Variants in NUMB observed in about 807,000 individuals in gnomAD.
NUMB encodes NUMB endocytic adaptor protein, also known as protein numb homolog.
Under a neutral mutation model 59.7 loss-of-function variants are expected in NUMB, and 29 were observed. That is an observed-to-expected ratio of 0.49 (90% CI 0.36 to 0.66). The LOEUF (loss-of-function observed/expected upper bound fraction) is 0.66, where lower values mean the gene tolerates loss of function less well. Among genes scored for constraint, NUMB ranks in the 30% least tolerant of loss-of-function variants. The pLI, the probability that NUMB is intolerant of heterozygous loss-of-function variation, is 0.00. For missense variants in NUMB, 723 were observed against 822.0 expected, an observed-to-expected ratio of 0.88 and a Z score of 1.47; for synonymous variants, 288 against 288.2, an observed-to-expected ratio of 1.00 and a Z score of 0.01.
chr14:73,378,459 C>T lies in NUMB; in HGVS notation c.-100-11478G>A, dbSNP rs1895077628. Among the ~76,000 whole-genome samples the T allele has an allele frequency of 2.0e-5, 3 of 152,320 alleles. No individual in the cohort carries two copies. The South Asian group carries it at 6.2e-4, about 32-fold the overall frequency. On this transcript the variant is annotated intron_variant, in intron 2 of 12. Transcript: ENST00000555238. Reference sequence around the variant, plus strand: ...ACAAAAGCCTGCACACAGTTGTTCACAACAGCTTTATTCATAATTGCCAAA... The same window carrying T: ...ACAAAAGCCTGCACACAGTTGTTCATAACAGCTTTATTCATAATTGCCAAA...
In NUMB at chr14:73,401,563, ATTTTTTTTT is replaced by A. The variant is rs1164847403; in HGVS notation, c.-101+8365_-101+8373del. ...CCACTAACAAAATATGTAAGACTAA[ATTTTTTTTT>A]TTTTTTTTTTTTTTTGAGACGGAGT... On this transcript the variant is annotated intron_variant, in intron 2 of 12. Coordinates refer to ENST00000555238, the MANE Select transcript of NUMB (RefSeq NM_001005743.2). Among the ~76,000 whole-genome samples the A allele has an allele frequency of 1.0e-4, 11 of 110,030 alleles. No homozygotes were observed. The South Asian group carries it at 1.9e-3, about 19-fold the overall frequency. 72.2% of individuals were successfully genotyped at this position (110,030 alleles called of 152,430 possible). A position where few individuals can be genotyped will look rare whatever the true frequency, so the allele number is the denominator to read the frequency against.
chr14:73,342,660 T>C (rs1892696597), intron 4 of NUMB, among the ~76,000 whole-genome samples: 1 of 152,204 alleles, frequency 6.6e-6, no homozygotes, highest in Non-Finnish European at 1.5e-5. Context: ...ACCTTCAGTA[T>C]TCAGTTGGCA....
At chr14:73,361,062 T>TG (rs1248435522) in intron 3 of NUMB, among the ~76,000 whole-genome samples, 1 of 152,052 alleles carries the variant, frequency 6.6e-6, no homozygotes, top group Non-Finnish European at 1.5e-5. Flanking sequence ...CTAATTGTTG[T>TG]GTTTTTTTGT....
chr14:73,302,424 TTG>T (rs1269735085), intron 6 of NUMB, among the ~76,000 whole-genome samples: 8,974 of 98,242 alleles, frequency 0.091, 675 homozygotes, highest in African/African-American at 0.24. Flanking sequence ...TTTTTTTTTT[TTG>T]AGACGAGTCT....
At chr14:73,389,359 G>A (rs1895732636) in intron 2 of NUMB, among the ~76,000 whole-genome samples, 1 of 150,200 alleles carries the variant, frequency 6.7e-6, no homozygotes, top group Non-Finnish European at 1.5e-5. Context: ...TTGAGACGGA[G>A]TCCTGCTCTG....
intron 2 of NUMB, among the ~76,000 whole-genome samples, chr14:73,369,560 A>T (rs1016576647): frequency 2.0e-5 from 3 of 152,234 alleles, no homozygotes; most frequent in Non-Finnish European, 4.4e-5. Flanking sequence ...TAAGACACAA[A>T]GGGATGTGAA....
At chr14:73,373,624 T>C (rs61985810) in intron 2 of NUMB, among the ~76,000 whole-genome samples, 1 of 151,914 alleles carries the variant, frequency 6.6e-6, no homozygotes, top group East Asian at 1.9e-4. Flanking sequence ...TAAAGGAGTT[T>C]AGAAATAGGG....
intron 2 of NUMB, among the ~76,000 whole-genome samples, chr14:73,373,705 C>CTTTTTT (rs558452695): frequency 7.8e-6 from 1 of 127,732 alleles, no homozygotes; most frequent in Admixed American, 8.1e-5. Context: ...GGAAAGCTTC[C>CTTTTTT]TTTTTTTTTT....
intron 2 of NUMB, among the ~76,000 whole-genome samples, chr14:73,392,171 T>C (rs1354531663): frequency 6.6e-6 from 1 of 152,158 alleles, no homozygotes; most frequent in African/African-American, 2.4e-5. Flanking sequence ...TCAGGAGAAG[T>C]AAGGCCAAGA....
intron 12 of NUMB, 21 bp downstream of exon 12, chr14:73,279,258 AAC>A: frequency 1.2e-6 from 2 of 1,614,116 alleles, no homozygotes; most frequent in Non-Finnish European, 1.7e-6. Flanking sequence ...CAGAATCCTC[AAC>A]ACCATCTGTG....
rs186008851 is a variant in NUMB at position 73,441,692 on chromosome 14, A to G, written c.-233+16801T>C. Among the ~76,000 whole-genome samples, 127 of 152,122 alleles carry G rather than the reference A, an allele frequency of 8.3e-4. 2 individuals carry two copies. The highest frequency in any genetic ancestry group is 7.9e-3 in the Admixed American group (120 of 15,268). On this transcript the variant is annotated intron_variant, in intron 1 of 12. Coordinates refer to ENST00000555238, the MANE Select transcript of NUMB (RefSeq NM_001005743.2). ...GGAGTTCCAGACCATCCTGGGCAAC[A>G]TAGCAAGACCCCATCTCTACCAAAA...
At chr14:73,430,515 T>C (rs1897778431) in intron 1 of NUMB, among the ~76,000 whole-genome samples, 2 of 152,102 alleles carry the variant, frequency 1.3e-5, no homozygotes, top group Admixed American at 1.3e-4. Flanking sequence ...ATGCCTGCAG[T>C]CCCAGCCACA....
chr14:73,296,567 A>T (rs1889785467), intron 7 of NUMB, among the ~76,000 whole-genome samples: 1 of 152,248 alleles, frequency 6.6e-6, no homozygotes, highest in Non-Finnish European at 1.5e-5. Flanking sequence ...ATGAGTAACT[A>T]AAGTGGTTTC....
At chr14:73,293,213 C>T (rs177370) in intron 7 of NUMB, among the ~76,000 whole-genome samples, 121,894 of 152,044 alleles carry the variant, frequency 0.8, 49,434 homozygotes, top group African/African-American at 0.93. Context: ...TGGGTTTATT[C>T]CCAAATATAA....
Position 73,287,165 on chromosome 14 carries a change from G to A in NUMB, c.600C>T (p.Ala200=). 6.2e-7 allele frequency: 1 copy of A among 1,613,816 alleles called. No homozygotes were observed. Among genetic ancestry groups the A allele is most frequent in the Non-Finnish European group, 8.5e-7 (1 of 1,179,986 alleles). The change falls in exon 9 of 13, where the codon GCC becomes GCT. Residue 200 remains alanine, a synonymous_variant. Transcript: ENST00000555238. ...TREGSFRVTT[A]TEQAEREEIM... ...TCTCCTCTCTTTCTGCTTGTTCAGTGGCTGTTGTGACACGGAATGATCCTT... is the reference window on the plus strand; with the variant it reads ...TCTCCTCTCTTTCTGCTTGTTCAGTAGCTGTTGTGACACGGAATGATCCTT...
intron 2 of NUMB, among the ~76,000 whole-genome samples, chr14:73,383,409 G>T (rs1179776185): frequency 3.9e-5 from 6 of 152,094 alleles, no homozygotes; most frequent in Admixed American, 3.9e-4. Flanking sequence ...TAGAAAAAAG[G>T]TCAACAGAAA....
At chr14:73,350,097 A>ACACT (rs1798318789) in intron 4 of NUMB, among the ~76,000 whole-genome samples, 2 of 150,140 alleles carry the variant, frequency 1.3e-5, no homozygotes, top group Non-Finnish European at 1.5e-5. Flanking sequence ...ACACACACAC[A>ACACT]CACACACACA....
chr14:73,449,452 G>T (rs61987086), intron 1 of NUMB, among the ~76,000 whole-genome samples: 1 of 151,810 alleles, frequency 6.6e-6, no homozygotes. Context: ...GTATTTATTC[G>T]TATTATTTGT....
intron 2 of NUMB, among the ~76,000 whole-genome samples, chr14:73,404,599 A>G (rs992241304): frequency 5.3e-5 from 8 of 152,196 alleles, no homozygotes; most frequent in African/African-American, 1.9e-4. Context: ...GATGTTCAAC[A>G]TATGTCTTAC....
Sources: allele counts gnomAD v4.1 joint callset (sites outside exome capture counted in the v4.1 genomes callset), GRCh38; gene constraint gnomAD v4.1.1; transcripts MANE v1.5; gene names NCBI Gene and HGNC (gene_info 2026-07-23, HGNC 2026-07-21).